Variants in HCN1 observed in about 807,000 individuals in gnomAD.
HCN1 encodes potassium/sodium hyperpolarization-activated cyclic nucleotide-gated channel 1.
In HCN1, 13 loss-of-function variants were observed where a neutral mutation model predicts 78.9. That is an observed-to-expected ratio of 0.16 (90% confidence interval 0.11 to 0.26). The LOEUF (loss-of-function observed/expected upper bound fraction) is 0.26, where lower values mean the gene tolerates loss of function less well. HCN1 is among the 10% of genes least tolerant of loss of function. The pLI, the probability that HCN1 is intolerant of heterozygous loss-of-function variation, is 1.00. For synonymous variants in HCN1, 552 were observed against 455.5 expected (o/e 1.21, Z -2.70); for missense variants, 810 against 1,154.3 (o/e 0.70, Z 4.32).
intron 2 of HCN1, among the ~76,000 whole-genome samples, chr5:45,635,372 T>A (rs896144851): frequency 6.6e-6 from 1 of 152,014 alleles, no homozygotes; most frequent in Admixed American, 6.6e-5. Context: ...AAAATTGAAA[T>A]AATTATTGTA....
intron 6 of HCN1, among the ~76,000 whole-genome samples, chr5:45,284,964 T>C (rs950638486): frequency 6.6e-6 from 1 of 152,036 alleles, no homozygotes; most frequent in East Asian, 1.9e-4. Context: ...TAAGTGGAAC[T>C]TCCACAAGTT....
rs190118298 is a variant in HCN1 at position 45,510,643 on chromosome 5, C to G, written c.850-48636G>C. 3.5e-4 allele frequency among the ~76,000 whole-genome samples: 53 copies of G among 152,142 alleles called. 1 individual carries two copies. The highest frequency in any genetic ancestry group is 3.2e-3 in the Admixed American group (49 of 15,252). ...TACTCCTCTCTCGTTTAAGTTTTGG[C>G]ATCCCAGCCCTGTTTTGATGACTAA... On this transcript the variant is annotated intron_variant, in intron 2 of 7. Coordinates refer to ENST00000303230, the MANE Select transcript of HCN1 (RefSeq NM_021072.4).
chr5:45,337,119 A>G (rs767125307), intron 5 of HCN1, among the ~76,000 whole-genome samples: 5 of 152,030 alleles, frequency 3.3e-5, no homozygotes, highest in Non-Finnish European at 7.4e-5. Context: ...CTATAATGGT[A>G]CCTTCCTCTT....
chr5:45,451,103 T>C (rs1187654197), intron 3 of HCN1, among the ~76,000 whole-genome samples: 1 of 152,174 alleles, frequency 6.6e-6, no homozygotes, highest in Non-Finnish European at 1.5e-5. Flanking sequence ...ATACAATGAA[T>C]TTGAATACAA....
chr5:45,473,627 C>T (rs893605810), intron 2 of HCN1, among the ~76,000 whole-genome samples: 4 of 150,824 alleles, frequency 2.7e-5, no homozygotes, highest in African/African-American at 9.7e-5. Context: ...TTAATTACCT[C>T]CTGTCTTCTT....
Position 45,298,916 on chromosome 5 carries a change from C to T in HCN1, c.1618+4683G>A, listed in dbSNP as rs115640141. On this transcript the variant is annotated intron_variant, in intron 6 of 7. Transcript: ENST00000303230. ...AGCAATAAGATATATTCATAGCATGCACTCTCAATATGATGTGATGAGAAT... is the reference window on the plus strand; with the variant it reads ...AGCAATAAGATATATTCATAGCATGTACTCTCAATATGATGTGATGAGAAT... Among the ~76,000 whole-genome samples, 1,056 of 152,078 alleles carry T rather than the reference C, an allele frequency of 6.9e-3. 16 individuals carry two copies. Among genetic ancestry groups the T allele is most frequent in the African/African-American group, 0.024 (1,004 of 41,542 alleles).
chr5:45,523,913 T>C (rs1411179286), intron 2 of HCN1, among the ~76,000 whole-genome samples: 4 of 152,194 alleles, frequency 2.6e-5, no homozygotes, highest in Non-Finnish European at 4.4e-5. Flanking sequence ...GCTTTTGGGG[T>C]TTTGGACATG....
At chr5:45,367,646 C>T (rs1579843693) in intron 4 of HCN1, among the ~76,000 whole-genome samples, 1 of 151,990 alleles carries the variant, frequency 6.6e-6, no homozygotes, top group South Asian at 2.1e-4. Context: ...TGATCTAAAT[C>T]TAAAATTTGA....
rs1741137021 is a variant in HCN1, at chr5:45,460,792, A to C, written c.1011+1054T>G. On this transcript the variant is annotated intron_variant, in intron 3 of 7. Coordinates refer to ENST00000303230, the MANE Select transcript of HCN1 (RefSeq NM_021072.4). ...CAATACATCTTAACTGTCAATGTAA[A>C]TCGCCTTTTTTTTTTCAAATAGAAA... is the stretch of plus-strand genomic sequence containing the variant. Among the ~76,000 whole-genome samples the C allele has an allele frequency of 7.9e-5, 12 of 151,884 alleles. 3 individuals are homozygous for C. The highest frequency in any genetic ancestry group is 7.9e-4 in the Admixed American group (12 of 15,212).
intron 5 of HCN1, among the ~76,000 whole-genome samples, chr5:45,340,634 A>G (rs1746557749): frequency 1.3e-5 from 2 of 151,952 alleles, no homozygotes; most frequent in Admixed American, 1.3e-4. Context: ...TAAAAAGCAA[A>G]ATATGTTGAT....
chr5:45,400,270 G>A (rs1739765062), intron 3 of HCN1, among the ~76,000 whole-genome samples: 2 of 151,296 alleles, frequency 1.3e-5, no homozygotes, highest in Admixed American at 6.6e-5. Context: ...GGAAAAGAAA[G>A]TTTAATTCAG....
At chr5:45,494,519 G>C (rs1437412477) in intron 2 of HCN1, among the ~76,000 whole-genome samples, 2 of 148,912 alleles carry the variant, frequency 1.3e-5, no homozygotes, top group African/African-American at 4.9e-5. Context: ...CAGATGAGTA[G>C]GTTGCGAAAA....
chr5:45,433,549 A>G (rs1447783345), intron 3 of HCN1, among the ~76,000 whole-genome samples: 2 of 151,474 alleles, frequency 1.3e-5, no homozygotes, highest in Non-Finnish European at 2.9e-5. Flanking sequence ...TGTGCCTTTT[A>G]ATTTGGGCAT....
At position 45,262,219 on chromosome 5, in the gene HCN1, G is replaced by A. The variant is rs140758934; in HGVS notation, c.2375C>T (p.Ser792Leu). The A allele has an allele frequency of 3.7e-6, 6 of 1,613,922 alleles. No individual in the cohort carries two copies. In the African/African-American group the frequency reaches 6.7e-5, roughly 18 times the overall value. The change falls in exon 8 of 8, where the codon TCG becomes TTG. Residue 792 changes from serine (S) to leucine (L), a missense_variant. Physicochemically the swap from Ser to Leu is moderately radical, Grantham distance 145. This residue lies in a region of HCN1 where 398 missense variants were observed against 381.3 expected (regional missense o/e 1.04). Transcript: ENST00000303230. Reference sequence around the variant, plus strand: ...CAGAGTGGACACCTCATGGGGCAGCGAGGGCTGCGAGGCGGAGAGTGGCCT... The same window carrying A: ...CAGAGTGGACACCTCATGGGGCAGCAAGGGCTGCGAGGCGGAGAGTGGCCT... ...EVRPLSASQP[S>L]LPHEVSTLIS...
chr5:45,339,976 T>C (rs1304168375), intron 5 of HCN1, among the ~76,000 whole-genome samples: 1 of 152,160 alleles, frequency 6.6e-6, no homozygotes, highest in Non-Finnish European at 1.5e-5. Flanking sequence ...TGGAGTGCAA[T>C]GGCATGATCT....
At chr5:45,363,935 G>A (rs750423496) in intron 4 of HCN1, among the ~76,000 whole-genome samples, 1 of 151,866 alleles carries the variant, frequency 6.6e-6, no homozygotes, top group Non-Finnish European at 1.5e-5. Context: ...GCTAATACAC[G>A]TGGTCTTACT....
chr5:45,269,207 T>C (rs946825687), intron 6 of HCN1, among the ~76,000 whole-genome samples: 1 of 152,242 alleles, frequency 6.6e-6, no homozygotes, highest in African/African-American at 2.4e-5. Context: ...ATGAAAATGT[T>C]CTAAAACCTG....
At chr5:45,409,026 C>CATAT (rs1451469709) in intron 3 of HCN1, among the ~76,000 whole-genome samples, 1 of 151,752 alleles carries the variant, frequency 6.6e-6, no homozygotes, top group Non-Finnish European at 1.5e-5. Context: ...ATTCTTTTAC[C>CATAT]ATATATGAGA....
chr5:45,378,613 C>A (rs1747738954), intron 4 of HCN1, among the ~76,000 whole-genome samples: 1 of 151,752 alleles, frequency 6.6e-6, no homozygotes, highest in South Asian at 2.1e-4. Flanking sequence ...TGTTGTTTTT[C>A]TTTCATGTGC....
Sources: allele counts gnomAD v4.1 joint callset (sites outside exome capture counted in the v4.1 genomes callset), GRCh38; gene constraint gnomAD v4.1.1; regional missense constraint gnomAD v4.1.1; transcripts MANE v1.5; gene names NCBI Gene and HGNC (gene_info 2026-07-23, HGNC 2026-07-21).